DMD: variants seen among roughly 807,000 people sequenced by gnomAD.
DMD encodes dystrophin.
Under a neutral mutation model 330.1 loss-of-function variants are expected in DMD, and 63 were observed. The observed-to-expected ratio is 0.19, with a 90% CI of 0.16 to 0.24. The LOEUF (loss-of-function observed/expected upper bound fraction) is 0.24, where lower values mean the gene tolerates loss of function less well. Among genes scored for constraint, DMD ranks in the 10% least tolerant of loss-of-function variants. The probability of loss-of-function intolerance (pLI) is 1.00; values close to 1 mark genes in which losing one functional copy is unlikely to be tolerated. For missense variants in DMD, 3,344 were observed against 2,684.1 expected, an observed-to-expected ratio of 1.25 and a Z score of -5.43; for synonymous variants, 1,223 against 959.8, an observed-to-expected ratio of 1.27 and a Z score of -5.07.
At chrX:32,114,554 T>A (rs1442238763) in intron 44 of DMD, among the ~76,000 whole-genome samples, 1 of 111,448 alleles carries the variant, frequency 9.0e-6, no homozygotes, top group African/African-American at 3.3e-5. Context: ...CAAGCTGTTG[T>A]CCACACTTCT....
At position 31,178,759 on chromosome X, in the gene DMD, T is replaced by C; in HGVS notation, c.10133A>G (p.Asn3378Ser). 1 of 1,211,108 alleles carries C rather than the reference T, an allele frequency of 8.3e-7. No homozygotes were observed. The highest frequency in any genetic ancestry group is 1.1e-6 in the Non-Finnish European group (1 of 894,875). Residue 3378 changes from asparagine to serine, a missense_variant, in exon 70 of 79, where the codon AAC (asparagine) becomes AGC (serine). Transcript: ENST00000357033. ...AAAATACCTTTTGGTTCGAAATTTG[T>C]TTTTTAGTACCTTGGCAAAGTCTCG... ...DVRDFAKVLK[N>S]KFRTKRYFAK...
intron 44 of DMD, among the ~76,000 whole-genome samples, chrX:31,984,634 A>G (rs772751957): frequency 8.9e-6 from 1 of 112,692 alleles, no homozygotes; most frequent in Non-Finnish European, 1.9e-5. Flanking sequence ...CAAGGCTTTA[A>G]TTTATTTCAC....
At chrX:31,351,970 T>G in intron 60 of DMD, among the ~76,000 whole-genome samples, 1 of 110,655 alleles carries the variant, frequency 9.0e-6, no homozygotes, top group Admixed American at 9.7e-5. Flanking sequence ...CAGTAGTTAG[T>G]AAATTGGCAG....
chrX:31,216,538 T>C (rs1045939510), intron 64 of DMD, among the ~76,000 whole-genome samples: 2 of 112,415 alleles, frequency 1.8e-5, no homozygotes, highest in Admixed American at 1.9e-4. Flanking sequence ...ATACATGGTA[T>C]ATAGAAAAAG....
At chrX:31,367,188 T>C (rs975062205) in intron 60 of DMD, among the ~76,000 whole-genome samples, 6 of 111,385 alleles carry the variant, frequency 5.4e-5, no homozygotes, top group African/African-American at 1.6e-4. Context: ...AGCTATAAAA[T>C]AACCGGGGGA....
At position 33,068,056 on chromosome X, in the gene DMD, C is replaced by A. The variant is rs923930027; in HGVS notation, c.32-47856G>T. ...TTGTTAGAGGAACAGTATTTCAGTA[C>A]ATATATTTTGTTACAATTTCGAGAA... is the stretch of plus-strand genomic sequence containing the variant. On this transcript the variant is annotated intron_variant, in intron 1 of 78. Transcript: ENST00000357033. 3.6e-5 allele frequency among the ~76,000 whole-genome samples: 4 copies of A among 111,578 alleles called. No homozygotes were observed. The Admixed American group carries it at 3.8e-4, about 11-fold the overall frequency.
chrX:32,883,823 C>CCAAAAAAAAAAAAAAAAAAAAAAAAAA (rs1169678184), intron 2 of DMD, among the ~76,000 whole-genome samples: 1 of 30,352 alleles, frequency 3.3e-5, no homozygotes, highest in Admixed American at 5.4e-4. Flanking sequence ...GACTCTGTTT[C>CCAAAAAAAAAAAAAAAAAAAAAAAAAA]AAAAAAAAAA....
chrX:33,258,689 T>C (rs2052899861), intron 1 of DMD, among the ~76,000 whole-genome samples: 1 of 110,837 alleles, frequency 9.0e-6, no homozygotes, highest in South Asian at 3.7e-4. Context: ...AGCCCTGATA[T>C]AAATATATAT....
At chrX:32,247,172 A>T in intron 43 of DMD, among the ~76,000 whole-genome samples, 1 of 111,965 alleles carries the variant, frequency 8.9e-6, no homozygotes, top group Non-Finnish European at 1.9e-5. Context: ...ACAGTATATT[A>T]TGGACCCCCA....
chrX:32,550,753 AAAAG>A (rs1345261620), intron 16 of DMD, among the ~76,000 whole-genome samples: 1 of 110,789 alleles, frequency 9.0e-6, no homozygotes, highest in Non-Finnish European at 1.9e-5. Flanking sequence ...AATAAAGAAA[AAAAG>A]AGAGAAGACT....
intron 67 of DMD, among the ~76,000 whole-genome samples, chrX:31,191,150 T>C (rs2042306127): frequency 9.0e-6 from 1 of 111,511 alleles, no homozygotes; most frequent in African/African-American, 3.3e-5. Flanking sequence ...GGCAGATAAT[T>C]ATCCCAAGCA....
chrX:33,099,312 G>T (rs997272045), intron 1 of DMD, among the ~76,000 whole-genome samples: 5 of 110,845 alleles, frequency 4.5e-5, no homozygotes, highest in Admixed American at 9.7e-5. Flanking sequence ...CCATTTCCAG[G>T]ATCTAGTAAT....
intron 1 of DMD, among the ~76,000 whole-genome samples, chrX:33,155,618 C>G (rs1255659825): frequency 9.0e-6 from 1 of 111,091 alleles, no homozygotes; most frequent in Non-Finnish European, 1.9e-5. Flanking sequence ...ACCCAGCCAG[C>G]ATTTCAAATC....
At chrX:33,184,881 G>A (rs1048734301) in intron 1 of DMD, among the ~76,000 whole-genome samples, 91 of 108,252 alleles carry the variant, frequency 8.4e-4, no homozygotes, top group African/African-American at 2.9e-3. Flanking sequence ...GCACCACCAC[G>A]CCCGGCTAAT....
At chrX:32,809,239 A>T (rs2077167318) in intron 7 of DMD, among the ~76,000 whole-genome samples, 1 of 112,016 alleles carries the variant, frequency 8.9e-6, no homozygotes, top group South Asian at 3.7e-4. Flanking sequence ...TGCTCCATCC[A>T]TAGGGCATAC....
chrX:31,154,246 C>G (rs936674038), intron 74 of DMD, among the ~76,000 whole-genome samples: 1 of 111,124 alleles, frequency 9.0e-6, no homozygotes, highest in African/African-American at 3.3e-5. Context: ...TCAAGGTTCC[C>G]TCAGAGTTAC....
At chrX:31,147,714 C>G (rs935061257) in intron 74 of DMD, among the ~76,000 whole-genome samples, 196 bp from the exon 75 acceptor site, 1 of 108,794 alleles carries the variant, frequency 9.2e-6, no homozygotes, top group Admixed American at 9.9e-5. Context: ...GCTAAAAGAA[C>G]AAAACAAAAT....
intron 29 of DMD, among the ~76,000 whole-genome samples, chrX:32,428,133 T>C (rs148182397): frequency 0.021 from 2,305 of 111,351 alleles, 24 homozygotes; most frequent in Non-Finnish European, 0.033. Flanking sequence ...TTCCCTATTT[T>C]CTTGAGATGG....
At chrX:31,194,994 C>T (rs750274728) in intron 67 of DMD, among the ~76,000 whole-genome samples, 1 of 111,946 alleles carries the variant, frequency 8.9e-6, no homozygotes, top group South Asian at 3.7e-4. Flanking sequence ...GTTTAAGAGT[C>T]CCCACATGCG....
Sources: allele counts gnomAD v4.1 joint callset (sites outside exome capture counted in the v4.1 genomes callset), GRCh38; gene constraint gnomAD v4.1.1; transcripts MANE v1.5; gene names NCBI Gene and HGNC (gene_info 2026-07-23, HGNC 2026-07-21).